AQP1: variants seen among roughly 807,000 people sequenced by gnomAD.
AQP1 encodes the protein aquaporin 1 (Colton blood group), also known as aquaporin-1.
A neutral mutation model predicts 19.7 loss-of-function variants in AQP1; 11 were observed. The ratio of observed to expected loss-of-function variants is 0.56; its 90% confidence interval spans 0.35 to 0.92. The LOEUF (loss-of-function observed/expected upper bound fraction) is 0.92, where lower values mean the gene tolerates loss of function less well. Ranked by LOEUF, AQP1 falls within the 40% of genes least tolerant of loss-of-function variation. The probability of loss-of-function intolerance (pLI) is 0.01; values close to 1 mark genes in which losing one functional copy is unlikely to be tolerated. For synonymous variants in AQP1, 159 were observed against 166.7 expected, an observed-to-expected ratio of 0.95 and a Z score of 0.36; for missense variants, 320 against 369.7, an observed-to-expected ratio of 0.87 and a Z score of 1.10.
At position 30,923,539 on chromosome 7, in the gene AQP1, C is replaced by A; in HGVS notation, c.720C>A (p.Asp240Glu). 2 of 1,614,168 alleles carry A rather than the reference C, an allele frequency of 1.2e-6. No individual in the cohort carries two copies. The highest frequency in any genetic ancestry group is 1.7e-6 in the Non-Finnish European group (2 of 1,180,038). Reference sequence around the variant, plus strand: ...CCCCACGCAGCAGTGACCTCACAGACCGCGTGAAGGTGTGGACCAGCGGCC... The same window carrying A: ...CCCCACGCAGCAGTGACCTCACAGAACGCGTGAAGGTGTGGACCAGCGGCC... ...ILAPRSSDLTDRVKVWTSGQV... is the reference protein window; with the variant it reads ...ILAPRSSDLTERVKVWTSGQV... Residue 240 changes from aspartate (D) to glutamate (E), a missense_variant, in exon 4 of 4, where the codon GAC becomes GAA. Coordinates refer to ENST00000311813, the MANE Select transcript of AQP1 (RefSeq NM_198098.4). This position sits in a 1 kb window ranked among gnomAD's most constrained non-coding sequence, Gnocchi z 4.8.
intron 1 of AQP1, among the ~76,000 whole-genome samples, chr7:30,916,070 C>T (rs184184634): frequency 5.9e-5 from 9 of 152,292 alleles, no homozygotes; most frequent in South Asian, 2.1e-4. Flanking sequence ...AAAATCCTGA[C>T]GCTGCTTCCC....
chr7:30,917,832 T>C (rs1442772917), intron 1 of AQP1, among the ~76,000 whole-genome samples: 1 of 152,214 alleles, frequency 6.6e-6, no homozygotes, highest in African/African-American at 2.4e-5. Context: ...TTTCGGCTGC[T>C]TCATTTATTC....
intron 1 of AQP1, among the ~76,000 whole-genome samples, chr7:30,917,977 T>C (rs1217590778): frequency 1.3e-5 from 2 of 152,102 alleles, no homozygotes; most frequent in Non-Finnish European, 2.9e-5. Context: ...GTGGGGGATT[T>C]TTGCAGTTCC....
In AQP1 at chr7:30,922,057, C is replaced by T; in HGVS notation, c.385-9C>T. On this transcript the variant is annotated splice_polypyrimidine_tract_variant and intron_variant, in intron 1 of 3. Coordinates refer to ENST00000311813, the MANE Select transcript of AQP1 (RefSeq NM_198098.4). ...CCTCACCAGTCCTCACCACCTCTCT[C>T]CCCTGCAGCTGGCTGATGGTGTGAA... 3.7e-6 allele frequency: 6 copies of T among 1,613,806 alleles called. No homozygotes were observed. Among genetic ancestry groups the T allele is most frequent in the Non-Finnish European group, 5.1e-6 (6 of 1,180,024 alleles).
At chr7:30,921,257 C>A in intron 1 of AQP1, 1 of 1,196,526 alleles carries the variant, frequency 8.4e-7, no homozygotes, top group Non-Finnish European at 1.0e-6. Flanking sequence ...TTCATGACCT[C>A]ACAGCAGCTT....
In AQP1 at chr7:30,912,344, G is replaced by A. The variant is rs1791189487; in HGVS notation, c.384+51G>A. 2.5e-6 allele frequency: 4 copies of A among 1,583,208 alleles called. No homozygotes were observed. The highest frequency in any genetic ancestry group is 1.3e-5 in the African/African-American group (1 of 74,736). Reference sequence around the variant, plus strand: ...GGGGGTTCTAGAATGATGCTGAAAGGCACTGGTTCCATCCTCTGCCCATTG... The same window carrying A: ...GGGGGTTCTAGAATGATGCTGAAAGACACTGGTTCCATCCTCTGCCCATTG... On this transcript the variant is annotated intron_variant, in intron 1 of 3. Transcript: ENST00000311813. The surrounding 1 kb of genome is among the most constrained non-coding windows in gnomAD (Gnocchi z 4.3).
In AQP1 at chr7:30,923,010, C is replaced by A. The variant is rs1374439080; in HGVS notation, c.630+366C>A. Among the ~76,000 whole-genome samples the A allele has an allele frequency of 6.6e-6, 1 of 152,242 alleles. No individual in the cohort carries two copies. ...CGGAGGGGGATATGGTGGTGCCCAC[C>A]TCTCAGGGTGGCCGAGAAGAGGAAA... On this transcript the variant is annotated intron_variant, in intron 3 of 3. Transcript: ENST00000311813. This position sits in a 1 kb window ranked among gnomAD's most constrained non-coding sequence, Gnocchi z 4.8.
chr7:30,922,796 G>A, intron 3 of AQP1, 152 bp downstream of exon 3: 1 of 809,354 alleles, frequency 1.2e-6, no homozygotes, highest in South Asian at 1.5e-5. Context: ...GTAGAGGCAG[G>A]CTGGGGGTCA....
intron 1 of AQP1, among the ~76,000 whole-genome samples, chr7:30,914,822 G>A (rs574280208): frequency 6.6e-6 from 1 of 152,378 alleles, no homozygotes; most frequent in African/African-American, 2.4e-5. Context: ...GTGAGTCAGG[G>A]GGTGTCCCTT....
At position 30,912,966 on chromosome 7, in the gene AQP1, T is replaced by C. The variant is rs1398464802; in HGVS notation, c.384+673T>C. 6.6e-6 allele frequency among the ~76,000 whole-genome samples: 1 copy of C among 151,328 alleles called. No homozygotes were observed. The highest frequency in any genetic ancestry group is 2.0e-4 in the East Asian group (1 of 5,122). ...TCCATGGTCTCTAGGCACTGAGAGG[T>C]GTGGCGTGTGTGTGCATGTGCGTGT... On this transcript the variant is annotated intron_variant, in intron 1 of 3. Transcript: ENST00000311813. The surrounding 1 kb of genome is among the most constrained non-coding windows in gnomAD (Gnocchi z 4.3).
rs752305447 is a variant in AQP1 at position 30,922,156 on chromosome 7, C to T, written c.475C>T (p.Arg159Trp). The change falls in exon 2 of 4, where the codon CGG (arginine) becomes TGG (tryptophan). Residue 159 changes from arginine (R) to tryptophan (W), a missense_variant. Arg to Trp is a moderately radical substitution (Grantham distance 101). Transcript: ENST00000311813. ...GCTATGCGTGCTGGCTACTACCGACCGGAGGCGCCGTGACCTTGGTGGCTC... is the reference window on the plus strand; with the variant it reads ...GCTATGCGTGCTGGCTACTACCGACTGGAGGCGCCGTGACCTTGGTGGCTC... Reference protein sequence around the residue: ...LVLCVLATTDRRRRDLGGSAP... With the variant: ...LVLCVLATTDWRRRDLGGSAP... 13 of 1,613,570 alleles carry T rather than the reference C, an allele frequency of 8.1e-6. No homozygotes were observed. The highest frequency in any genetic ancestry group is 5.3e-5 in the African/African-American group (4 of 74,926).
rs781587140 is a variant in AQP1, at chr7:30,923,405, G to A, written c.631-45G>A. The A allele has an allele frequency of 5.6e-6, 9 of 1,612,806 alleles. No homozygotes were observed. The South Asian group carries it at 8.8e-5, about 16-fold the overall frequency. ...GGGTAACCTAGGGAACGCTTCCCAG[G>A]GGCTTTTGAGTGGAGCCCTCTGAAC... On this transcript the variant is annotated intron_variant, in intron 3 of 3. Transcript: ENST00000311813. The surrounding 1 kb of genome is among the most constrained non-coding windows in gnomAD (Gnocchi z 4.8).
rs1791626026 is a variant in AQP1, at chr7:30,924,424, G to C, written c.*795G>C. 6.5e-6 allele frequency: 1 copy of C among 153,290 alleles called. No individual in the cohort carries two copies. Among genetic ancestry groups the C allele is most frequent in the Non-Finnish European group, 1.5e-5 (1 of 68,788 alleles). The allele number at this position is 153,290 out of a possible 1,614,324, so 9.5% of individuals were successfully genotyped here. On this transcript the variant is annotated 3_prime_UTR_variant, in exon 4 of 4. Transcript: ENST00000311813. Reference sequence around the variant, plus strand: ...GCTACAAAGCAGAGATCGACAGACAGCCAGGTAGTTGGAACTTTCTGTTCC... The same window carrying C: ...GCTACAAAGCAGAGATCGACAGACACCCAGGTAGTTGGAACTTTCTGTTCC...
At chr7:30,913,451 G>A (rs771401143) in intron 1 of AQP1, 2 of 152,924 alleles carry the variant, frequency 1.3e-5, no homozygotes, top group African/African-American at 2.4e-5. Context: ...CAGAGAGGAG[G>A]ACTCGTCTAG....
rs377506522 is a variant in AQP1, at chr7:30,912,049, A to G, written c.140A>G (p.Gln47Arg). The G allele has an allele frequency of 1.4e-4, 233 of 1,613,392 alleles. 4 individuals carry two copies. In the Middle Eastern group the frequency reaches 1.8e-3, roughly 13 times the overall value. ...GTGGGGAACAACCAGACGGCGGTCCAGGACAACGTGAAGGTGTCGCTGGCC... is the reference window on the plus strand; with the variant it reads ...GTGGGGAACAACCAGACGGCGGTCCGGGACAACGTGAAGGTGTCGCTGGCC... ...YPVGNNQTAV[Q>R]DNVKVSLAFG... Residue 47 changes from glutamine to arginine, a missense_variant, in exon 1 of 4, where the codon CAG becomes CGG. Physicochemically the swap from Gln to Arg is conservative, Grantham distance 43 (BLOSUM62 1). Transcript: ENST00000311813. This position sits in a 1 kb window ranked among gnomAD's most constrained non-coding sequence, Gnocchi z 4.3.
chr7:30,924,111 G>A lies in AQP1; in HGVS notation c.*482G>A. On this transcript the variant is annotated 3_prime_UTR_variant, in exon 4 of 4. Transcript: ENST00000311813. ...AGAGATCCCAGGAGGTGCAGTGGAGGGGGCAAGCTTTGCTCCTTCAGTTCT... is the reference window on the plus strand; with the variant it reads ...AGAGATCCCAGGAGGTGCAGTGGAGAGGGCAAGCTTTGCTCCTTCAGTTCT... The A allele has an allele frequency of 8.4e-7, 1 of 1,195,816 alleles. No homozygotes were observed. The highest frequency in any genetic ancestry group is 1.6e-5 in the South Asian group (1 of 63,816). 74.1% of individuals were successfully genotyped at this position (1,195,816 alleles called of 1,614,324 possible). A position where few individuals can be genotyped will look rare whatever the true frequency, so the allele number is the denominator to read the frequency against.
At chr7:30,919,890 G>T (rs1791454759) in intron 1 of AQP1, among the ~76,000 whole-genome samples, 2 of 152,150 alleles carry the variant, frequency 1.3e-5, no homozygotes, top group East Asian at 3.8e-4. Flanking sequence ...GCTTCCTGGT[G>T]GTAGTGGTAG....
Position 30,912,024 on chromosome 7 carries a change from G to A in AQP1, c.115G>A (p.Val39Met), listed in dbSNP as rs1791178212. ...IGSALGFKYPVGNNQTAVQDN... is the reference protein window; with the variant it reads ...IGSALGFKYPMGNNQTAVQDN... ...TTCTGCCCTGGGCTTCAAATACCCG[G>A]TGGGGAACAACCAGACGGCGGTCCA... The change falls in exon 1 of 4, where the codon GTG becomes ATG. Residue 39 changes from valine (V) to methionine (M), a missense_variant. Val to Met is a conservative substitution (Grantham distance 21). Coordinates refer to ENST00000311813, the MANE Select transcript of AQP1 (RefSeq NM_198098.4). This position sits in a 1 kb window ranked among gnomAD's most constrained non-coding sequence, Gnocchi z 4.3. The A allele has an allele frequency of 6.2e-7, 1 of 1,613,552 alleles. No individual in the cohort carries two copies. The highest frequency in any genetic ancestry group is 1.3e-5 in the African/African-American group (1 of 75,060).
chr7:30,922,841 C>T (rs765873823), intron 3 of AQP1, among the ~76,000 whole-genome samples, 197 bp downstream of exon 3: 1 of 152,244 alleles, frequency 6.6e-6, no homozygotes, highest in Non-Finnish European at 1.5e-5. Flanking sequence ...TCTCTGCCCT[C>T]CCAGCTCGGC....
Sources: gnomAD v4.1 joint callset for allele counts (sites outside exome capture counted in the v4.1 genomes callset) on GRCh38, gnomAD v4.1.1 for gene constraint, Gnocchi (gnomAD v3.1) non-coding constraint, MANE v1.5 for transcripts, NCBI Gene and HGNC (gene_info 2026-07-23, HGNC 2026-07-21) for gene names.